ERBB4: variants seen among roughly 807,000 people sequenced by gnomAD.
ERBB4 encodes erb-b2 receptor tyrosine kinase 4.
In ERBB4, 42 loss-of-function variants were observed where a neutral mutation model predicts 158.0. The ratio of observed to expected loss-of-function variants is 0.27; its 90% CI spans 0.21 to 0.34. ERBB4 has a LOEUF of 0.34. Among genes scored for constraint, ERBB4 ranks in the 10% least tolerant of loss-of-function variants. The pLI is 1.00. For missense variants in ERBB4, 1,333 were observed against 1,624.1 expected (o/e 0.82, Z 3.08); for synonymous variants, 583 against 558.7 (o/e 1.04, Z -0.61).
intron 1 of ERBB4, among the ~76,000 whole-genome samples, chr2:212,223,911 A>T (rs1246593236): frequency 6.6e-6 from 1 of 151,844 alleles, no homozygotes; most frequent in Non-Finnish European, 1.5e-5. Context: ...CTTCGCATAG[A>T]TTACCTTCCA....
chr2:212,167,195 T>C (rs2081372149), intron 1 of ERBB4, among the ~76,000 whole-genome samples: 1 of 152,134 alleles, frequency 6.6e-6, no homozygotes, highest in South Asian at 2.1e-4. Context: ...TCTACCCATC[T>C]GACAAAGGTC....
At chr2:211,454,883 T>G (rs1186671038) in intron 20 of ERBB4, among the ~76,000 whole-genome samples, 1 of 152,246 alleles carries the variant, frequency 6.6e-6, no homozygotes, top group Non-Finnish European at 1.5e-5. Flanking sequence ...AGGACGGTTC[T>G]GCCTCCTCAC....
intron 20 of ERBB4, among the ~76,000 whole-genome samples, chr2:211,465,192 G>A (rs769494078): frequency 3.2e-4 from 49 of 152,086 alleles, no homozygotes; most frequent in Non-Finnish European, 5.6e-4. Context: ...ATAGGCTTGA[G>A]CTAGACTACC....
chr2:211,715,660 T>C (rs888030867), intron 7 of ERBB4, among the ~76,000 whole-genome samples: 2 of 152,174 alleles, frequency 1.3e-5, no homozygotes, highest in Non-Finnish European at 2.9e-5. Flanking sequence ...TCTGGTTGTT[T>C]ACAAGTGTGT....
chr2:211,966,432 G>T (rs540136480), intron 2 of ERBB4, among the ~76,000 whole-genome samples: 7 of 152,016 alleles, frequency 4.6e-5, no homozygotes, highest in Admixed American at 4.6e-4. Flanking sequence ...AGTAGAGACG[G>T]GGTTTCACTG....
chr2:212,462,307 T>C (rs1688617553), intron 1 of ERBB4, among the ~76,000 whole-genome samples: 1 of 152,122 alleles, frequency 6.6e-6, no homozygotes, highest in African/African-American at 2.4e-5. Context: ...AAACAACAAA[T>C]TGAAGAGACA....
intron 1 of ERBB4, among the ~76,000 whole-genome samples, chr2:212,455,484 A>G (rs1379484741): frequency 6.6e-6 from 1 of 152,134 alleles, no homozygotes; most frequent in Non-Finnish European, 1.5e-5. Flanking sequence ...ATGGCTGTTG[A>G]GCATGCAAAA....
intron 3 of ERBB4, among the ~76,000 whole-genome samples, chr2:211,800,371 G>A (rs530115476): frequency 1.3e-5 from 2 of 152,072 alleles, no homozygotes; most frequent in African/African-American, 2.4e-5. Context: ...GTAAGAGTTC[G>A]AAAGAACCAT....
At chr2:212,204,669 C>G (rs1012994385) in intron 1 of ERBB4, among the ~76,000 whole-genome samples, 2 of 150,364 alleles carry the variant, frequency 1.3e-5, no homozygotes, top group Non-Finnish European at 3.0e-5. Flanking sequence ...TGCACTCCAG[C>G]CTGAGTGACA....
At chr2:211,861,969 A>G (rs12996976) in intron 3 of ERBB4, among the ~76,000 whole-genome samples, 33,436 of 152,036 alleles carry the variant, frequency 0.22, 3,799 homozygotes, top group South Asian at 0.32. Context: ...GAAATAAAGG[A>G]CAATTTCTTT....
chr2:212,017,776 T>G (rs1208499221), intron 2 of ERBB4, among the ~76,000 whole-genome samples: 1 of 152,126 alleles, frequency 6.6e-6, no homozygotes, highest in Non-Finnish European at 1.5e-5. Context: ...TAAAAGAGCT[T>G]GCCCAAATAG....
chr2:211,903,096 T>C (rs543359299), intron 3 of ERBB4, among the ~76,000 whole-genome samples: 3 of 151,854 alleles, frequency 2.0e-5, no homozygotes, highest in African/African-American at 7.2e-5. Flanking sequence ...TTTAAGTAAC[T>C]TAAAATAAGT....
chr2:211,802,722 C>T (rs528849756), intron 3 of ERBB4, among the ~76,000 whole-genome samples: 5 of 152,184 alleles, frequency 3.3e-5, no homozygotes, highest in African/African-American at 1.2e-4. Flanking sequence ...CTTAAGCTAG[C>T]TGATATGCAC....
intron 2 of ERBB4, among the ~76,000 whole-genome samples, chr2:211,999,981 T>C (rs1283630594): frequency 2.6e-5 from 4 of 151,932 alleles, no homozygotes; most frequent in African/African-American, 9.6e-5. Context: ...AGTCACGGTA[T>C]AATAGTAGGT....
chr2:211,707,773 T>C (rs1421312853), intron 9 of ERBB4, among the ~76,000 whole-genome samples: 1 of 152,170 alleles, frequency 6.6e-6, no homozygotes, highest in Admixed American at 6.5e-5. Flanking sequence ...ATGGTACTCT[T>C]GTACTATAAA....
Position 211,487,439 on chromosome 2 carries a change from G to A in ERBB4, c.2488-56339C>T, listed in dbSNP as rs907232375. Among the ~76,000 whole-genome samples, 17 of 151,832 alleles carry A rather than the reference G, an allele frequency of 1.1e-4. No homozygotes were observed. The East Asian group carries it at 3.1e-3, about 28-fold the overall frequency. On this transcript the variant is annotated intron_variant, in intron 20 of 27. Coordinates refer to ENST00000342788, the MANE Select transcript of ERBB4 (RefSeq NM_005235.3). The stretch of plus-strand genomic sequence containing the variant: ...TAATTCCATGATACCAAACTGTTTT[G>A]GTCAACTTTGTTTTTTAACTGAATT...
Position 212,105,155 on chromosome 2 carries a change from C to G in ERBB4, c.234+19597G>C, listed in dbSNP as rs1257544757. Among the ~76,000 whole-genome samples the G allele has an allele frequency of 2.6e-5, 4 of 152,314 alleles. No homozygotes were observed. In the East Asian group the frequency reaches 5.8e-4, roughly 22 times the overall value. On this transcript the variant is annotated intron_variant, in intron 2 of 27. Coordinates refer to ENST00000342788, the MANE Select transcript of ERBB4 (RefSeq NM_005235.3). ...GTAGAATTCCCTAACACCTAAACTTCATGCAGAAAACCTAATATGAAAAGT... is the reference window on the plus strand; with the variant it reads ...GTAGAATTCCCTAACACCTAAACTTGATGCAGAAAACCTAATATGAAAAGT...
intron 2 of ERBB4, among the ~76,000 whole-genome samples, chr2:212,000,704 A>T (rs926000472): frequency 2.6e-5 from 4 of 151,896 alleles, no homozygotes; most frequent in African/African-American, 9.7e-5. Context: ...TAAAACCCTA[A>T]CAATATTGTT....
chr2:212,227,602 C>A (rs1031026621), intron 1 of ERBB4, among the ~76,000 whole-genome samples: 11 of 152,058 alleles, frequency 7.2e-5, no homozygotes, highest in African/African-American at 2.7e-4. Flanking sequence ...TCCTCTTAAC[C>A]AATGAACATT....
Sources: gnomAD v4.1 joint callset for allele counts (sites outside exome capture counted in the v4.1 genomes callset) on GRCh38, gnomAD v4.1.1 for gene constraint, MANE v1.5 for transcripts, NCBI Gene and HGNC (gene_info 2026-07-23, HGNC 2026-07-21) for gene names.